The following IFT80 variants were observed in gnomAD, a reference collection of about 807,000 sequenced individuals.
IFT80 encodes intraflagellar transport protein 80 homolog.
Under a neutral mutation model 107.9 loss-of-function variants are expected in IFT80, and 79 were observed. That is an observed-to-expected ratio of 0.73 (90% confidence interval 0.61 to 0.88). IFT80 has a LOEUF of 0.88. Among genes scored for constraint, IFT80 ranks in the 40% least tolerant of loss-of-function variants. The pLI is 0.00. For missense variants in IFT80, 797 were observed against 914.2 expected, an observed-to-expected ratio of 0.87 and a Z score of 1.65; for synonymous variants, 299 against 300.9, an observed-to-expected ratio of 0.99 and a Z score of 0.07.
chr3:160,308,132 T>C (rs1414879323), intron 9 of IFT80, among the ~76,000 whole-genome samples: 1 of 152,184 alleles, frequency 6.6e-6, no homozygotes, highest in Non-Finnish European at 1.5e-5. Context: ...AGATTCTATG[T>C]GATTTCTGCC....
intron 1 of IFT80, among the ~76,000 whole-genome samples, chr3:160,388,882 G>C (rs952892444): frequency 6.6e-6 from 1 of 152,088 alleles, no homozygotes; most frequent in African/African-American, 2.4e-5. Flanking sequence ...AGATGTAAAG[G>C]GGTTACAAGC....
intron 12 of IFT80, among the ~76,000 whole-genome samples, chr3:160,293,119 A>T (rs1306136658): frequency 6.6e-6 from 1 of 152,230 alleles, no homozygotes; most frequent in Non-Finnish European, 1.5e-5. Flanking sequence ...AATAAGTAAA[A>T]TATTACATTA....
chr3:160,278,234 C>T (rs947755094), intron 16 of IFT80, among the ~76,000 whole-genome samples: 1 of 152,196 alleles, frequency 6.6e-6, no homozygotes. Context: ...GTAGTTGTGC[C>T]CATAGCAATA....
At chr3:160,351,570 C>T (rs1243197043) in intron 8 of IFT80, among the ~76,000 whole-genome samples, 3 of 140,388 alleles carry the variant, frequency 2.1e-5, no homozygotes, top group South Asian at 4.4e-4. Context: ...TATATATATA[C>T]ACACATATAT....
At chr3:160,341,386 T>C (rs534800655) in intron 8 of IFT80, among the ~76,000 whole-genome samples, 30 of 152,002 alleles carry the variant, frequency 2.0e-4, no homozygotes, top group East Asian at 1.9e-3. Context: ...CATGTGACCA[T>C]GTTGTCACCA....
At position 160,279,185 on chromosome 3, in the gene IFT80, T is replaced by C. The variant is rs1001996844; in HGVS notation, c.1836+8A>G. ...TATATACAACTATGAATCTAAAATGTAAATTACCTTAACAAAGCGACAAAG... is the reference window on the plus strand; with the variant it reads ...TATATACAACTATGAATCTAAAATGCAAATTACCTTAACAAAGCGACAAAG... On this transcript the variant is annotated splice_region_variant and intron_variant, in intron 16 of 19. Coordinates refer to ENST00000326448, the MANE Select transcript of IFT80 (RefSeq NM_020800.3). 1.2e-6 allele frequency: 2 copies of C among 1,608,926 alleles called. No homozygotes were observed. The highest frequency in any genetic ancestry group is 2.7e-5 in the African/African-American group (2 of 74,930).
chr3:160,326,610 G>A (rs544888766), intron 8 of IFT80, among the ~76,000 whole-genome samples: 13 of 152,028 alleles, frequency 8.6e-5, no homozygotes, highest in South Asian at 6.2e-4. Context: ...AAAGGCTTCC[G>A]ATAAAATTCA....
Position 160,366,027 on chromosome 3 carries a change from A to G in IFT80, c.549+16T>C, listed in dbSNP as rs554487138. 1.8e-4 allele frequency: 294 copies of G among 1,592,862 alleles called. 2 individuals are homozygous for G. In the South Asian group the frequency reaches 3.0e-3, roughly 16 times the overall value. Reference sequence around the variant, plus strand: ...AGGCAGACCCTGATAACAATTTACAAATGACTGAGAAGTACCTGCAAAACT... The same window carrying G: ...AGGCAGACCCTGATAACAATTTACAGATGACTGAGAAGTACCTGCAAAACT... On this transcript the variant is annotated intron_variant, in intron 6 of 19. Transcript: ENST00000326448.
At chr3:160,333,788 G>T (rs2108321502) in intron 8 of IFT80, among the ~76,000 whole-genome samples, 1 of 152,178 alleles carries the variant, frequency 6.6e-6, no homozygotes, top group Middle Eastern at 3.4e-3. Context: ...TTTTAAAATT[G>T]AAGTACACAC....
chr3:160,362,373 A>C (rs745593623), intron 6 of IFT80, among the ~76,000 whole-genome samples: 45 of 152,332 alleles, frequency 3.0e-4, no homozygotes, highest in Non-Finnish European at 5.7e-4. Flanking sequence ...TGAGGCAATA[A>C]TTAATAACCT....
At chr3:160,327,115 C>T (rs1466817611) in intron 8 of IFT80, among the ~76,000 whole-genome samples, 2 of 152,064 alleles carry the variant, frequency 1.3e-5, no homozygotes, top group African/African-American at 4.8e-5. Flanking sequence ...ATACAGCTAA[C>T]AAGGGAAGTG....
chr3:160,387,848 A>G (rs940113531), intron 1 of IFT80, among the ~76,000 whole-genome samples: 1 of 152,230 alleles, frequency 6.6e-6, no homozygotes, highest in Non-Finnish European at 1.5e-5. Context: ...GGTAGATTCA[A>G]TGGCCTGGAA....
chr3:160,261,474 C>T (rs182343369), intron 19 of IFT80, among the ~76,000 whole-genome samples: 304 of 139,538 alleles, frequency 2.2e-3, no homozygotes, highest in African/African-American at 7.3e-3. Context: ...ATGCCAGAAG[C>T]GGTAAAGATT....
chr3:160,265,528 T>C (rs1357865860), intron 19 of IFT80, among the ~76,000 whole-genome samples: 1 of 152,228 alleles, frequency 6.6e-6, no homozygotes, highest in South Asian at 2.1e-4. Flanking sequence ...GAGTGGATTT[T>C]ATTTGCTAGA....
intron 5 of IFT80, among the ~76,000 whole-genome samples, chr3:160,375,283 CCTTT>C (rs1361464066): frequency 1.4e-4 from 21 of 152,106 alleles, no homozygotes; most frequent in Non-Finnish European, 2.6e-4. Context: ...TATGGCCACT[CCTTT>C]CTATTAACAT....
chr3:160,387,789 T>C (rs562997069), intron 1 of IFT80, among the ~76,000 whole-genome samples: 11 of 152,336 alleles, frequency 7.2e-5, no homozygotes, highest in African/African-American at 2.4e-4. Context: ...AAAGATCATA[T>C]TCAAAGCCAT....
chr3:160,328,543 C>T (rs1006201669), intron 8 of IFT80, among the ~76,000 whole-genome samples: 1 of 149,950 alleles, frequency 6.7e-6, no homozygotes, highest in South Asian at 2.1e-4. Context: ...TTTACACTGT[C>T]GGTGGGAGTG....
chr3:160,270,629 T>C (rs1044806917), intron 18 of IFT80, among the ~76,000 whole-genome samples: 5 of 151,726 alleles, frequency 3.3e-5, no homozygotes, highest in Non-Finnish European at 7.4e-5. Context: ...TACTAGAATA[T>C]AGAGGGGAAA....
intron 5 of IFT80, among the ~76,000 whole-genome samples, chr3:160,371,948 CAT>C (rs1245753459): frequency 6.6e-6 from 1 of 152,086 alleles, no homozygotes; most frequent in African/African-American, 2.4e-5. Context: ...CTCTGGTGTA[CAT>C]ATTATTTTTC....
Sources: allele counts gnomAD v4.1 joint callset (sites outside exome capture counted in the v4.1 genomes callset), GRCh38; gene constraint gnomAD v4.1.1; transcripts MANE v1.5; gene names NCBI Gene and HGNC (gene_info 2026-07-23, HGNC 2026-07-21).